The following TMEM185A variants were observed in gnomAD, a reference collection of about 807,000 sequenced individuals.
TMEM185A encodes the protein family with sequence similarity 11, member A.
TMEM185A carries 9 observed loss-of-function variants against 25.0 expected under a neutral mutation model. The observed-to-expected ratio is 0.36, with a 90% CI of 0.22 to 0.63. TMEM185A has a LOEUF of 0.63. TMEM185A is among the 20% of genes least tolerant of loss of function. The pLI is 0.68. For synonymous variants in TMEM185A, 45 were observed against 93.5 expected, an observed-to-expected ratio of 0.48 and a Z score of 2.99; for missense variants, 103 against 237.4, an observed-to-expected ratio of 0.43 and a Z score of 3.72.
chrX:149,623,812 C>A (rs782079936), intron 1 of TMEM185A, among the ~76,000 whole-genome samples: 1 of 111,751 alleles, frequency 8.9e-6, no homozygotes, highest in Non-Finnish European at 1.9e-5. Flanking sequence ...CAAAGTAATA[C>A]AATCAGTAAG....
Position 149,611,273 on chromosome X carries a change from T to C in TMEM185A, c.215+14A>G. 8.3e-7 allele frequency: 1 copy of C among 1,199,893 alleles called. No homozygotes were observed. Among genetic ancestry groups the C allele is most frequent in the South Asian group, 1.8e-5 (1 of 54,497 alleles). ...TCATGCTAGAGACCAATGGGTTGTA[T>C]AAAGCAGTATTACCGATATTGAGGA... On this transcript the variant is annotated intron_variant, in intron 2 of 6. Coordinates refer to ENST00000600449, the MANE Select transcript of TMEM185A (RefSeq NM_032508.4).
intron 1 of TMEM185A, among the ~76,000 whole-genome samples, chrX:149,619,172 G>A (rs1466417503): frequency 9.0e-6 from 1 of 111,726 alleles, no homozygotes; most frequent in Non-Finnish European, 1.9e-5. Flanking sequence ...ATTGTATAAT[G>A]CAATGTAGGT....
intron 3 of TMEM185A, among the ~76,000 whole-genome samples, chrX:149,607,192 G>A (rs1231919134): frequency 2.7e-5 from 3 of 111,211 alleles, no homozygotes; most frequent in African/African-American, 9.8e-5. Context: ...TTCCCCTCAC[G>A]CCCATACCTG....
At chrX:149,627,988 T>C (rs192061497) in intron 1 of TMEM185A, among the ~76,000 whole-genome samples, 55 of 112,374 alleles carry the variant, frequency 4.9e-4, no homozygotes, top group Non-Finnish European at 9.0e-4. Context: ...GACTCCAGAA[T>C]GTCTTCTGAA....
At chrX:149,607,057 C>T (rs2090055993) in intron 3 of TMEM185A, among the ~76,000 whole-genome samples, 1 of 111,506 alleles carries the variant, frequency 9.0e-6, no homozygotes, top group Non-Finnish European at 1.9e-5. Context: ...GTGGCCTTTC[C>T]ACCAGCATGA....
chrX:149,620,592 C>A (rs1346446192), intron 1 of TMEM185A, among the ~76,000 whole-genome samples: 1 of 111,479 alleles, frequency 9.0e-6, no homozygotes, highest in African/African-American at 3.3e-5. Context: ...TGTGCTCCAG[C>A]ACCAGCTGTT....
At chrX:149,599,094 TAG>T (rs1435663788) in intron 6 of TMEM185A, among the ~76,000 whole-genome samples, 2 of 87,259 alleles carry the variant, frequency 2.3e-5, no homozygotes, top group Admixed American at 2.4e-4. Flanking sequence ...TGGAGGGGAA[TAG>T]AGTGTTAGCA....
At chrX:149,619,033 A>T (rs987048793) in intron 1 of TMEM185A, among the ~76,000 whole-genome samples, 1 of 111,724 alleles carries the variant, frequency 9.0e-6, no homozygotes. Context: ...AAAACTCAAC[A>T]AGTGGTAGTT....
At chrX:149,617,876 C>T (rs1267250355) in intron 1 of TMEM185A, among the ~76,000 whole-genome samples, 1 of 111,900 alleles carries the variant, frequency 8.9e-6, no homozygotes, top group African/African-American at 3.2e-5. Context: ...ACAACAACAA[C>T]ATTGATGAAT....
At position 149,608,827 on chromosome X, in the gene TMEM185A, C is replaced by T. The variant is rs1169372746; in HGVS notation, c.223G>A (p.Gly75Arg). ...GCTTTAAACTCCACACACGTTTCTC[C>T]TTCTGCTCTAAAAAAGGGAGAGAAG... is the stretch of plus-strand genomic sequence containing the variant. ...WARNPQYRAE[G>R]ETCVEFKAML... is the part of the protein sequence containing the mutation. Residue 75 changes from glycine (G) to arginine (R), a missense_variant, in exon 3 of 7, where the codon GGA (glycine) becomes AGA (arginine). By Grantham distance (125) the Gly-to-Arg change is moderately radical (BLOSUM62 -2). Around this residue, in one of 2 missense-constraint regions of TMEM185A, gnomAD observed 102 missense variants for 125.7 expected, o/e 0.81. Coordinates refer to ENST00000600449, the MANE Select transcript of TMEM185A (RefSeq NM_032508.4). 4.1e-6 allele frequency: 5 copies of T among 1,208,450 alleles called. No individual in the cohort carries two copies. The highest frequency in any genetic ancestry group is 5.6e-6 in the Non-Finnish European group (5 of 894,331).
intron 4 of TMEM185A, chrX:149,603,666 TGC>T: frequency 5.8e-6 from 1 of 173,689 alleles, no homozygotes; most frequent in Non-Finnish European, 1.1e-5. Flanking sequence ...GTCTGATACA[TGC>T]ACTTGAAGAA....
At chrX:149,621,221 TG>T (rs57644464) in intron 1 of TMEM185A, among the ~76,000 whole-genome samples, 13,988 of 103,934 alleles carry the variant, frequency 0.13, 1,647 homozygotes, top group African/African-American at 0.38. Context: ...AGTAAATTGG[TG>T]GGGGGGGGTG....
At chrX:149,621,222 G>C (rs1031892112) in intron 1 of TMEM185A, among the ~76,000 whole-genome samples, 1 of 85,522 alleles carries the variant, frequency 1.2e-5, no homozygotes, top group Admixed American at 1.1e-4. Flanking sequence ...GTAAATTGGT[G>C]GGGGGGGGTG....
At chrX:149,613,420 G>A (rs930345530) in intron 1 of TMEM185A, among the ~76,000 whole-genome samples, 5 of 112,103 alleles carry the variant, frequency 4.5e-5, no homozygotes, top group African/African-American at 1.6e-4. Context: ...AATGCAGGCA[G>A]GCTTCAGAAG....
intron 1 of TMEM185A, among the ~76,000 whole-genome samples, chrX:149,614,550 G>T (rs6540335): frequency 0.18 from 19,681 of 110,155 alleles, 2,391 homozygotes; most frequent in African/African-American, 0.43. Context: ...AAGGAAATTT[G>T]TAAAAAGTAA....
At chrX:149,613,980 T>C (rs1316180204) in intron 1 of TMEM185A, among the ~76,000 whole-genome samples, 1 of 112,595 alleles carries the variant, frequency 8.9e-6, no homozygotes, top group African/African-American at 3.2e-5. Context: ...CAAACTGTTA[T>C]AAATGGAAAT....
At chrX:149,613,025 T>C (rs1286269320) in intron 1 of TMEM185A, among the ~76,000 whole-genome samples, 1 of 111,889 alleles carries the variant, frequency 8.9e-6, no homozygotes, top group African/African-American at 3.2e-5. Context: ...GTTCATGTGA[T>C]GAAACTGAGT....
intron 1 of TMEM185A, among the ~76,000 whole-genome samples, chrX:149,630,456 T>C (rs1295200987): frequency 8.9e-6 from 1 of 111,749 alleles, no homozygotes. Flanking sequence ...ACCGCCAGCA[T>C]CTAAAGCACC....
At chrX:149,617,339 G>A (rs781824985) in intron 1 of TMEM185A, among the ~76,000 whole-genome samples, 2 of 111,624 alleles carry the variant, frequency 1.8e-5, no homozygotes, top group African/African-American at 3.3e-5. Flanking sequence ...CTGAAAACAC[G>A]TATCTGACAA....
Sources: allele counts gnomAD v4.1 joint callset (sites outside exome capture counted in the v4.1 genomes callset), GRCh38; gene constraint gnomAD v4.1.1; regional missense constraint gnomAD v4.1.1; transcripts MANE v1.5; gene names NCBI Gene and HGNC (gene_info 2026-07-23, HGNC 2026-07-21).